SLC35D4: variants seen among roughly 807,000 people sequenced by gnomAD.
SLC35D4 encodes solute carrier family 35 member D4.
At chr18:23,404,667 G>A in the SLC35D4 span, among the ~76,000 whole-genome samples, 1 of 145,858 alleles carries the variant, frequency 6.9e-6, no homozygotes, top group Non-Finnish European at 1.5e-5. Flanking sequence ...CCAGCCTGGT[G>A]ACAGAGCAAG....
At chr18:23,322,916 G>C in the SLC35D4 span, among the ~76,000 whole-genome samples, 1 of 152,056 alleles carries the variant, frequency 6.6e-6, no homozygotes, top group Admixed American at 6.6e-5. Context: ...TTCACTTCTT[G>C]GTTTCATTTA....
chr18:23,247,134 C>G, the SLC35D4 span, among the ~76,000 whole-genome samples: 1 of 152,244 alleles, frequency 6.6e-6, no homozygotes, highest in Non-Finnish European at 1.5e-5. Context: ...CCTAGTACAG[C>G]CTCCCCAGCT....
chr18:23,421,383 T>A, the SLC35D4 span: 5 of 1,614,040 alleles, frequency 3.1e-6, no homozygotes, highest in Non-Finnish European at 4.2e-6. Context: ...CTGCTGTTGA[T>A]CTCTACCCAG....
the SLC35D4 span, among the ~76,000 whole-genome samples, chr18:23,267,411 C>T: frequency 6.6e-6 from 1 of 152,172 alleles, no homozygotes; most frequent in Non-Finnish European, 1.5e-5. Flanking sequence ...GCCCCTTCCA[C>T]CTGTCCCGTG....
the SLC35D4 span, among the ~76,000 whole-genome samples, chr18:23,251,361 G>GGTT: frequency 1.3e-5 from 2 of 152,188 alleles, no homozygotes; most frequent in African/African-American, 4.8e-5. Flanking sequence ...TGAGGCAGGA[G>GGTT]AATTGCTTAA....
chr18:23,337,655 T>G, the SLC35D4 span, among the ~76,000 whole-genome samples: 1 of 152,240 alleles, frequency 6.6e-6, no homozygotes, highest in Non-Finnish European at 1.5e-5. Flanking sequence ...GATAACACTT[T>G]CATGAGTTCA....
the SLC35D4 span, among the ~76,000 whole-genome samples, chr18:23,415,455 T>C: frequency 1.3e-5 from 2 of 152,236 alleles, no homozygotes; most frequent in South Asian, 2.1e-4. Context: ...TATTTAAACC[T>C]GTAGCCTGGC....
At chr18:23,336,808 G>GT in the SLC35D4 span, among the ~76,000 whole-genome samples, 1 of 152,168 alleles carries the variant, frequency 6.6e-6, no homozygotes, top group African/African-American at 2.4e-5. Context: ...GAGAAAGACA[G>GT]TAACAGGCTC....
the SLC35D4 span, among the ~76,000 whole-genome samples, chr18:23,407,684 G>A: frequency 6.6e-6 from 1 of 152,004 alleles, no homozygotes; most frequent in Non-Finnish European, 1.5e-5. Flanking sequence ...TTGAATTAAA[G>A]ATACATCATG....
chr18:23,320,286 T>C, the SLC35D4 span, among the ~76,000 whole-genome samples: 1 of 152,242 alleles, frequency 6.6e-6, no homozygotes, highest in East Asian at 1.9e-4. Flanking sequence ...CCCAGTGGGC[T>C]CTTAGACCCA....
chr18:23,326,536 AC>A, the SLC35D4 span, among the ~76,000 whole-genome samples: 3 of 152,338 alleles, frequency 2.0e-5, no homozygotes, highest in African/African-American at 7.2e-5. Context: ...ATACAGGAGC[AC>A]CCATATTCAT....
chr18:23,357,520 G>A, the SLC35D4 span, among the ~76,000 whole-genome samples: 4 of 152,242 alleles, frequency 2.6e-5, no homozygotes, highest in African/African-American at 9.6e-5. Context: ...ACCCCTTGGA[G>A]AGCCTGGTCT....
chr18:23,256,639 C>T, the SLC35D4 span, among the ~76,000 whole-genome samples: 1 of 152,062 alleles, frequency 6.6e-6, no homozygotes, highest in Admixed American at 6.6e-5. Context: ...CACCGCCACG[C>T]CCGGCTCATT....
At chr18:23,294,804 C>A in the SLC35D4 span, among the ~76,000 whole-genome samples, 1 of 152,064 alleles carries the variant, frequency 6.6e-6, no homozygotes, top group African/African-American at 2.4e-5. Flanking sequence ...ACAAAGAGGA[C>A]TCTGAAAGGT....
chr18:23,301,939 T>C, the SLC35D4 span, among the ~76,000 whole-genome samples: 1 of 152,266 alleles, frequency 6.6e-6, no homozygotes, highest in South Asian at 2.1e-4. Flanking sequence ...TTCATAATAA[T>C]TGGCTGGATG....
the SLC35D4 span, among the ~76,000 whole-genome samples, chr18:23,288,430 C>T: frequency 2.6e-5 from 4 of 152,182 alleles, no homozygotes; most frequent in African/African-American, 9.7e-5. Flanking sequence ...AGGCCCCGTC[C>T]CTTCCCTACA....
At chr18:23,346,947 C>T in the SLC35D4 span, among the ~76,000 whole-genome samples, 2 of 151,730 alleles carry the variant, frequency 1.3e-5, no homozygotes, top group South Asian at 2.1e-4. Flanking sequence ...TATATTTGTC[C>T]CTGTGTTCAT....
chr18:23,287,818 T>G, the SLC35D4 span, among the ~76,000 whole-genome samples: 3 of 152,212 alleles, frequency 2.0e-5, no homozygotes, highest in Admixed American at 6.5e-5. Context: ...CAGTCAGAAT[T>G]CTTACACAAG....
chr18:23,298,117 G>A, the SLC35D4 span: 4 of 1,609,170 alleles, frequency 2.5e-6, no homozygotes, highest in Non-Finnish European at 2.5e-6. Flanking sequence ...GGACCCCTGA[G>A]CTGCCTGGCG....
Sources: allele counts gnomAD v4.1 joint callset (sites outside exome capture counted in the v4.1 genomes callset), GRCh38; gene constraint gnomAD v4.1.1; transcripts MANE v1.5; gene names NCBI Gene and HGNC (gene_info 2026-07-23, HGNC 2026-07-21).